The following UBE2E2 variants were observed in gnomAD, a reference collection of about 807,000 sequenced individuals.
UBE2E2 encodes the protein ubiquitin-conjugating enzyme E2 E2.
UBE2E2 carries 6 observed loss-of-function variants against 24.7 expected under a neutral mutation model. The ratio of observed to expected loss-of-function variants is 0.24; its 90% CI spans 0.13 to 0.48. The LOEUF (loss-of-function observed/expected upper bound fraction) is 0.48. Among genes scored for constraint, UBE2E2 ranks in the 20% least tolerant of loss-of-function variants. The probability of loss-of-function intolerance (pLI) is 0.99; values close to 1 mark genes in which losing one functional copy is unlikely to be tolerated. For synonymous variants in UBE2E2, 104 were observed against 83.6 expected, an observed-to-expected ratio of 1.24 and a Z score of -1.33; for missense variants, 169 against 245.0, an observed-to-expected ratio of 0.69 and a Z score of 2.07.
intron 3 of UBE2E2, among the ~76,000 whole-genome samples, 194 bp downstream of exon 3, chr3:23,217,506 G>T (rs1436972712): frequency 6.6e-6 from 1 of 152,104 alleles, no homozygotes; most frequent in African/African-American, 2.4e-5. Context: ...AAGTATGTTT[G>T]TAGTGGTTGA....
rs1276104140 is a variant in UBE2E2, at chr3:23,404,613, TA to T, written c.228-94990del. Among the ~76,000 whole-genome samples the T allele has an allele frequency of 9.2e-5, 14 of 152,358 alleles. No homozygotes were observed. The East Asian group carries it at 2.7e-3, about 29-fold the overall frequency. ...TAAGACTGTGTACTGATTTCCTTTT[TA>T]AAAATTCTGTTTTATGAGTTTGTTT... is the stretch of plus-strand genomic sequence containing the variant. On this transcript the variant is annotated intron_variant, in intron 3 of 5. Transcript: ENST00000396703.
chr3:23,547,077 TAAG>T (rs1695541986), intron 5 of UBE2E2, among the ~76,000 whole-genome samples: 1 of 152,206 alleles, frequency 6.6e-6, no homozygotes, highest in Non-Finnish European at 1.5e-5. Flanking sequence ...GGTGTATAAA[TAAG>T]AAATTAAGTT....
At chr3:23,287,751 G>A (rs1170363829) in intron 3 of UBE2E2, among the ~76,000 whole-genome samples, 1 of 149,476 alleles carries the variant, frequency 6.7e-6, no homozygotes, top group East Asian at 1.9e-4. Context: ...GATTTCTGCA[G>A]TGTTGGTTGT....
At chr3:23,487,750 A>G (rs1699407001) in intron 3 of UBE2E2, among the ~76,000 whole-genome samples, 1 of 152,178 alleles carries the variant, frequency 6.6e-6, no homozygotes, top group East Asian at 1.9e-4. Flanking sequence ...CTGGATCTGA[A>G]GCATACTTTC....
chr3:23,383,892 TA>T (rs35603984), intron 3 of UBE2E2, among the ~76,000 whole-genome samples: 2,080 of 143,472 alleles, frequency 0.014, 34 homozygotes, highest in African/African-American at 0.043. Flanking sequence ...ATTATTTCTT[TA>T]AAAAAAAAAA....
rs1208675072 is a variant in UBE2E2 at position 23,578,042 on chromosome 3, A to C, written c.509-11692A>C. Among the ~76,000 whole-genome samples the C allele has an allele frequency of 3.3e-5, 5 of 151,804 alleles. No individual in the cohort carries two copies. In the South Asian group the frequency reaches 8.3e-4, roughly 25 times the overall value. On this transcript the variant is annotated intron_variant, in intron 5 of 5. Coordinates refer to ENST00000396703, the MANE Select transcript of UBE2E2 (RefSeq NM_152653.4). The stretch of plus-strand genomic sequence containing the variant: ...AAAAAAAAAAGATTCTTTTCAAAAT[A>C]CTAGTACTCAAAGATCTAATATCCA...
At chr3:23,363,348 A>T (rs967476065) in intron 3 of UBE2E2, among the ~76,000 whole-genome samples, 1 of 152,262 alleles carries the variant, frequency 6.6e-6, no homozygotes, top group South Asian at 2.1e-4. Flanking sequence ...TAAAAGGCAC[A>T]GAATGACAGC....
chr3:23,574,691 G>A (rs1173178865), intron 5 of UBE2E2, among the ~76,000 whole-genome samples: 1 of 152,138 alleles, frequency 6.6e-6, no homozygotes, highest in Non-Finnish European at 1.5e-5. Context: ...ATTAGGCACT[G>A]CACTTCATCC....
At chr3:23,373,102 C>G (rs1296616377) in intron 3 of UBE2E2, among the ~76,000 whole-genome samples, 3 of 152,136 alleles carry the variant, frequency 2.0e-5, no homozygotes, top group Admixed American at 6.5e-5. Context: ...CCTCTAAACT[C>G]CAGACCCTTC....
intron 3 of UBE2E2, among the ~76,000 whole-genome samples, chr3:23,297,181 T>A (rs1698935696): frequency 6.6e-6 from 1 of 152,202 alleles, no homozygotes; most frequent in African/African-American, 2.4e-5. Context: ...GTAAATTTGT[T>A]TGAGATCATT....
At chr3:23,234,121 G>T (rs965510261) in intron 3 of UBE2E2, among the ~76,000 whole-genome samples, 20 of 151,848 alleles carry the variant, frequency 1.3e-4, no homozygotes, top group Non-Finnish European at 2.5e-4. Flanking sequence ...TTGGGTGTGG[G>T]TTGGTGAACT....
chr3:23,230,300 A>G (rs1475499518), intron 3 of UBE2E2, among the ~76,000 whole-genome samples: 1 of 152,220 alleles, frequency 6.6e-6, no homozygotes, highest in African/African-American at 2.4e-5. Context: ...TCTGCAGCCC[A>G]GAGAGAGAAA....
intron 3 of UBE2E2, among the ~76,000 whole-genome samples, chr3:23,490,862 A>T (rs1699480718): frequency 6.6e-6 from 1 of 152,226 alleles, no homozygotes; most frequent in Non-Finnish European, 1.5e-5. Context: ...TATTTGGTGA[A>T]AGATAGCCAA....
At chr3:23,380,245 G>A (rs137916825) in intron 3 of UBE2E2, among the ~76,000 whole-genome samples, 1 of 152,134 alleles carries the variant, frequency 6.6e-6, no homozygotes, top group African/African-American at 2.4e-5. Context: ...CTAGAGACAG[G>A]GTCTTGCTCT....
chr3:23,494,561 G>T (rs1295861753), intron 3 of UBE2E2, among the ~76,000 whole-genome samples: 1 of 152,122 alleles, frequency 6.6e-6, no homozygotes, highest in Non-Finnish European at 1.5e-5. Context: ...TGGATGTTGG[G>T]TTCTCAACTG....
At chr3:23,267,598 G>T (rs1024376170) in intron 3 of UBE2E2, among the ~76,000 whole-genome samples, 17 of 151,936 alleles carry the variant, frequency 1.1e-4, no homozygotes, top group African/African-American at 4.1e-4. Flanking sequence ...AGGACCAGAT[G>T]GATTCACAGC....
rs1011218564 is a variant in UBE2E2 at position 23,591,188 on chromosome 3, G to A, written c.*1357G>A. On this transcript the variant is annotated 3_prime_UTR_variant, in exon 6 of 6. Coordinates refer to ENST00000396703, the MANE Select transcript of UBE2E2 (RefSeq NM_152653.4). ...GCTGACTTGCTGATTGATAATTCAG[G>A]GTTATTAGTGTAACAAAGCGTAGTG... The A allele has an allele frequency of 3.3e-5, 5 of 152,068 alleles. No homozygotes were observed. The highest frequency in any genetic ancestry group is 7.3e-5 in the Non-Finnish European group (5 of 68,044). The allele number at this position is 152,068 out of a possible 1,614,324, so 9.4% of individuals were successfully genotyped here. A position where few individuals can be genotyped will look rare whatever the true frequency, so the allele number is the denominator to read the frequency against.
At chr3:23,372,263 T>A (rs929888873) in intron 3 of UBE2E2, among the ~76,000 whole-genome samples, 5 of 152,170 alleles carry the variant, frequency 3.3e-5, no homozygotes, top group Non-Finnish European at 5.9e-5. Context: ...CTGGGATTTT[T>A]AAAAAATTTC....
intron 5 of UBE2E2, among the ~76,000 whole-genome samples, chr3:23,556,485 A>AAGATAGGG (rs1695790753): frequency 6.9e-6 from 1 of 143,902 alleles, no homozygotes; most frequent in Non-Finnish European, 1.5e-5. Context: ...TATACTGAAC[A>AAGATAGGG]AGATAGGGCC....
Sources: allele counts gnomAD v4.1 joint callset (sites outside exome capture counted in the v4.1 genomes callset), GRCh38; gene constraint gnomAD v4.1.1; transcripts MANE v1.5; gene names NCBI Gene and HGNC (gene_info 2026-07-23, HGNC 2026-07-21).